The following NSMAF variants were observed in gnomAD, a reference collection of about 807,000 sequenced individuals.
NSMAF encodes neutral sphingomyelinase activation associated factor, also known as protein FAN.
Under a neutral mutation model 134.9 loss-of-function variants are expected in NSMAF, and 90 were observed. The observed-to-expected ratio is 0.67, with a 90% CI of 0.56 to 0.79. NSMAF has a LOEUF of 0.79. Ranked by LOEUF, NSMAF falls within the 30% of genes least tolerant of loss-of-function variation. The pLI, the probability that NSMAF is intolerant of heterozygous loss-of-function variation, is 0.00. For missense variants in NSMAF, 1,010 were observed against 1,119.0 expected (o/e 0.90, Z 1.39); for synonymous variants, 358 against 389.6 (o/e 0.92, Z 0.96).
chr8:58,596,412 C>T (rs192918748), intron 21 of NSMAF, among the ~76,000 whole-genome samples: 1 of 152,292 alleles, frequency 6.6e-6, no homozygotes, highest in African/African-American at 2.4e-5. Context: ...CAACCTCCTT[C>T]TGGAAGCCTG....
intron 1 of NSMAF, 108 bp downstream of exon 1, chr8:58,659,465 C>T (rs766225135): frequency 6.7e-7 from 1 of 1,483,308 alleles, no homozygotes; most frequent in Non-Finnish European, 8.9e-7. Context: ...CCCCTGCCTC[C>T]GTGCCCGGCC....
In NSMAF at chr8:58,583,926, A is replaced by G; in HGVS notation, c.*180T>C. 1 of 609,592 alleles carries G rather than the reference A, an allele frequency of 1.6e-6. No homozygotes were observed. The highest frequency in any genetic ancestry group is 2.9e-6 in the Non-Finnish European group (1 of 341,634). The allele number at this position is 609,592 out of a possible 1,614,324, so 37.8% of individuals were successfully genotyped here. On this transcript the variant is annotated 3_prime_UTR_variant, in exon 31 of 31. Transcript: ENST00000038176. ...ACAGCCGCATTTTATCTGCCCTAAGAGAATAGCAACTAATGGCTTTCAATG... is the reference window on the plus strand; with the variant it reads ...ACAGCCGCATTTTATCTGCCCTAAGGGAATAGCAACTAATGGCTTTCAATG...
At chr8:58,597,977 A>G in intron 19 of NSMAF, 75 bp from the exon 20 acceptor site, 15 of 1,055,748 alleles carry the variant, frequency 1.4e-5, no homozygotes, top group Non-Finnish European at 2.0e-5. Flanking sequence ...AACCTAAACA[A>G]TGCAACAACT....
chr8:58,640,151 C>T (rs2129146972), intron 2 of NSMAF: 1 of 442,888 alleles, frequency 2.3e-6, no homozygotes, highest in South Asian at 1.6e-5. Flanking sequence ...CCACATCATA[C>T]ACTTGAAATT....
chr8:58,635,569 T>A (rs373797269), intron 2 of NSMAF, 23 bp from the exon 3 acceptor site: 3 of 1,431,150 alleles, frequency 2.1e-6, no homozygotes, highest in Non-Finnish European at 1.9e-6. Context: ...GTACAACAGA[T>A]TGTTTGATGA....
At chr8:58,594,385 T>C (rs1806086331) in intron 22 of NSMAF, 95 bp from the exon 23 acceptor site, 1 of 1,205,838 alleles carries the variant, frequency 8.3e-7, no homozygotes, top group Non-Finnish European at 1.2e-6. Flanking sequence ...CAAGTTTCCT[T>C]AATTTTTTTC....
chr8:58,620,548 T>C (rs903331912), intron 9 of NSMAF, among the ~76,000 whole-genome samples: 2 of 152,224 alleles, frequency 1.3e-5, no homozygotes, highest in Non-Finnish European at 2.9e-5. Flanking sequence ...CCTTTTATTG[T>C]ATCACTTTCT....
chr8:58,605,808 A>T, intron 12 of NSMAF, 119 bp downstream of exon 12: 1 of 1,083,052 alleles, frequency 9.2e-7, no homozygotes, highest in Non-Finnish European at 1.2e-6. Flanking sequence ...TGAACCCAGG[A>T]GGCGGAGGTT....
chr8:58,590,976 TA>T, intron 23 of NSMAF, 42 bp from the exon 24 acceptor site: 1 of 1,542,246 alleles, frequency 6.5e-7, no homozygotes. Flanking sequence ...AAAGATTTCC[TA>T]ACCATTACAG....
chr8:58,658,690 C>CT (rs2129149461), intron 1 of NSMAF, among the ~76,000 whole-genome samples: 1 of 152,288 alleles, frequency 6.6e-6, no homozygotes, highest in South Asian at 2.1e-4. Flanking sequence ...GGCATCTGAG[C>CT]TGCAGACCGA....
chr8:58,645,780 C>G (rs1351114401), intron 1 of NSMAF, among the ~76,000 whole-genome samples: 1 of 152,178 alleles, frequency 6.6e-6, no homozygotes, highest in Non-Finnish European at 1.5e-5. Flanking sequence ...GCGGCTCACA[C>G]CTGTAATCCC....
intron 2 of NSMAF, among the ~76,000 whole-genome samples, chr8:58,636,433 G>C (rs1352496): frequency 0.25 from 37,759 of 152,082 alleles, 5,260 homozygotes; most frequent in East Asian, 0.31. Flanking sequence ...TACTTTCAGA[G>C]GTAGTACACG....
chr8:58,659,260 G>C, intron 1 of NSMAF: 2 of 1,509,446 alleles, frequency 1.3e-6, no homozygotes, highest in African/African-American at 1.4e-5. Flanking sequence ...GGCCTTCCGG[G>C]TGAGCTGCCC....
chr8:58,586,033 A>T, intron 28 of NSMAF, 33 bp from the exon 29 acceptor site: 4 of 1,474,020 alleles, frequency 2.7e-6, no homozygotes, highest in Non-Finnish European at 3.8e-6. Context: ...GATATGAGTG[A>T]CAGCTTCAGA....
At chr8:58,608,780 T>A (rs1407825475) in intron 10 of NSMAF, among the ~76,000 whole-genome samples, 1 of 152,170 alleles carries the variant, frequency 6.6e-6, no homozygotes, top group East Asian at 1.9e-4. Flanking sequence ...TAGCATAATC[T>A]TTCACTCAGG....
At chr8:58,594,345 CTT>C (rs1314181988) in intron 22 of NSMAF, 55 bp from the exon 23 acceptor site, 20 of 1,449,098 alleles carry the variant, frequency 1.4e-5, no homozygotes, top group Middle Eastern at 1.7e-4. Flanking sequence ...AGGATACCCT[CTT>C]TGTTTCATAT....
chr8:58,642,057 A>C (rs1005096315), intron 2 of NSMAF, among the ~76,000 whole-genome samples: 3 of 152,240 alleles, frequency 2.0e-5, no homozygotes, highest in African/African-American at 7.2e-5. Context: ...TTCAGGGATG[A>C]ATAATTGTCT....
In NSMAF at chr8:58,597,917, C is replaced by G. The variant is rs368960022; in HGVS notation, c.1586-15G>C. 1.9e-6 allele frequency: 3 copies of G among 1,589,324 alleles called. No homozygotes were observed. In the South Asian group the frequency reaches 3.3e-5, roughly 18 times the overall value. On this transcript the variant is annotated splice_polypyrimidine_tract_variant and intron_variant, in intron 19 of 30. Transcript: ENST00000038176. ...GGGATGAAATACTGAAAAAGACATA[C>G]AAAACACTATTGAAAGATGTGCTAT...
In NSMAF at chr8:58,626,091, C is replaced by CG. The variant is rs1563537415; in HGVS notation, c.385-2312_385-2311insC. ...AGCCCCCAAAGTCCATTATATAATT[C>CG]TTTTTTTTTTTTTTTTTTTTTGAGA... is the stretch of plus-strand genomic sequence containing the variant. On this transcript the variant is annotated intron_variant, in intron 6 of 30. Transcript: ENST00000038176. Among the ~76,000 whole-genome samples the CG allele has an allele frequency of 1.8e-3, 180 of 99,382 alleles. 24 individuals are homozygous for CG. The highest frequency in any genetic ancestry group is 2.0e-3 in the East Asian group (6 of 3,030). 65.2% of individuals were successfully genotyped at this position (99,382 alleles called of 152,430 possible).
Sources: gnomAD v4.1 joint callset for allele counts (sites outside exome capture counted in the v4.1 genomes callset) on GRCh38, gnomAD v4.1.1 for gene constraint, MANE v1.5 for transcripts, NCBI Gene and HGNC (gene_info 2026-07-23, HGNC 2026-07-21) for gene names.